DEFB131B: variants seen among roughly 807,000 people sequenced by gnomAD.
The protein encoded by DEFB131B is beta-defensin 131B.
In DEFB131B, 2 loss-of-function variants were observed where a neutral mutation model predicts 2.1. That is an observed-to-expected ratio of 0.94 (90% CI 0.38 to 2.95). The LOEUF is 2.95. Ranked by LOEUF, DEFB131B falls within the 30% of genes most tolerant of loss-of-function variation. The pLI is 0.09. For synonymous variants in DEFB131B, 26 were observed against 25.8 expected (o/e 1.01, Z -0.03); for missense variants, 77 against 78.5 (o/e 0.98, Z 0.07).
At chr11:71,883,183 G>A (rs1249193838) in intron 1 of DEFB131B, among the ~76,000 whole-genome samples, 1 of 152,058 alleles carries the variant, frequency 6.6e-6, no homozygotes. Context: ...GCAATTTATA[G>A]ATTATATACA....
At chr11:71,879,983 A>G (rs1228936443) in intron 1 of DEFB131B, among the ~76,000 whole-genome samples, 5 of 152,182 alleles carry the variant, frequency 3.3e-5, no homozygotes, top group Non-Finnish European at 7.4e-5. Context: ...TACTCACTAA[A>G]TGGAACACTC....
At position 71,884,438 on chromosome 11, in the gene DEFB131B, T is replaced by C; in HGVS notation, c.90T>C (p.Pro30=). ...TRSFTSNDEC[P]SEYYHCRLKC... The stretch of plus-strand genomic sequence containing the variant: ...GCTTCACTTCTAATGATGAATGTCC[T>C]TCAGAATATTATCATTGCAGACTGA... The change falls in exon 2 of 2, where the codon CCT becomes CCC. Residue 30 remains proline, a synonymous_variant. Transcript: ENST00000530210. 1 of 1,603,746 alleles carries C rather than the reference T, an allele frequency of 6.2e-7. No individual in the cohort carries two copies. Among genetic ancestry groups the C allele is most frequent in the Non-Finnish European group, 8.5e-7 (1 of 1,174,520 alleles).
intron 1 of DEFB131B, among the ~76,000 whole-genome samples, chr11:71,881,661 A>G (rs932752188): frequency 6.6e-6 from 1 of 152,112 alleles, no homozygotes; most frequent in African/African-American, 2.4e-5. Flanking sequence ...TTCAAATATG[A>G]TTACATTCTG....
intron 1 of DEFB131B, among the ~76,000 whole-genome samples, chr11:71,882,839 T>G (rs1952580745): frequency 6.6e-6 from 1 of 152,128 alleles, no homozygotes. Flanking sequence ...ATAATTTTTT[T>G]GTAAAAAACC....
At chr11:71,881,711 G>A (rs1952563810) in intron 1 of DEFB131B, among the ~76,000 whole-genome samples, 1 of 151,982 alleles carries the variant, frequency 6.6e-6, no homozygotes, top group African/African-American at 2.4e-5. Context: ...AAATTTTGGA[G>A]GAAAACTGGT....
chr11:71,884,025 C>T (rs535719658), intron 1 of DEFB131B, among the ~76,000 whole-genome samples: 2 of 152,212 alleles, frequency 1.3e-5, no homozygotes, highest in Admixed American at 1.3e-4. Context: ...TCAAGGCCAA[C>T]CCCTCCACTT....
chr11:71,883,374 T>C (rs531634754), intron 1 of DEFB131B, among the ~76,000 whole-genome samples: 1 of 152,320 alleles, frequency 6.6e-6, no homozygotes, highest in South Asian at 2.1e-4. Flanking sequence ...AACTGTGTGC[T>C]ACTGGGATAA....
In DEFB131B at chr11:71,883,695, C is replaced by A. The variant is rs561998824; in HGVS notation, c.59-712C>A. The stretch of plus-strand genomic sequence containing the variant: ...ATGTTGGTCATGGCAAATATTTTAA[C>A]TTATAAATTGTAACAAAAGGATTTG... On this transcript the variant is annotated intron_variant, in intron 1 of 1. Coordinates refer to ENST00000530210, the MANE Select transcript of DEFB131B (RefSeq NM_001242853.1). Among the ~76,000 whole-genome samples, 48 of 152,158 alleles carry A rather than the reference C, an allele frequency of 3.2e-4. No homozygotes were observed. The South Asian group carries it at 4.4e-3, about 14-fold the overall frequency.
At chr11:71,881,258 A>G (rs1952559921) in intron 1 of DEFB131B, among the ~76,000 whole-genome samples, 1 of 152,204 alleles carries the variant, frequency 6.6e-6, no homozygotes, top group African/African-American at 2.4e-5. Context: ...TTTTATCATT[A>G]TATGATGGCC....
At chr11:71,880,586 G>A (rs1344712513) in intron 1 of DEFB131B, among the ~76,000 whole-genome samples, 1 of 151,582 alleles carries the variant, frequency 6.6e-6, no homozygotes, top group African/African-American at 2.4e-5. Flanking sequence ...TGTTTTTCTT[G>A]TTCCTTGAGG....
chr11:71,883,809 G>A (rs1952594151), intron 1 of DEFB131B, among the ~76,000 whole-genome samples: 1 of 152,146 alleles, frequency 6.6e-6, no homozygotes, highest in Non-Finnish European at 1.5e-5. Flanking sequence ...CTCAGTAAAG[G>A]AGACATGGCC....
chr11:71,882,589 G>C (rs1240135958), intron 1 of DEFB131B, among the ~76,000 whole-genome samples: 3 of 152,178 alleles, frequency 2.0e-5, no homozygotes, highest in Non-Finnish European at 4.4e-5. Flanking sequence ...AATAGAGTTT[G>C]TCACCAGTAG....
intron 1 of DEFB131B, among the ~76,000 whole-genome samples, chr11:71,882,659 A>G (rs534750498): frequency 1.2e-4 from 18 of 152,372 alleles, no homozygotes; most frequent in Non-Finnish European, 2.4e-4. Flanking sequence ...GTGAAAAACT[A>G]AAAGCTTTTC....
chr11:71,878,858 G>T (rs960017026), intron 1 of DEFB131B, among the ~76,000 whole-genome samples: 44 of 149,146 alleles, frequency 3.0e-4, no homozygotes, highest in Non-Finnish European at 6.2e-4. Context: ...AAATTAGTCA[G>T]GTATAGTGGC....
At chr11:71,879,080 C>G (rs1405893218) in intron 1 of DEFB131B, among the ~76,000 whole-genome samples, 1 of 151,918 alleles carries the variant, frequency 6.6e-6, no homozygotes, top group African/African-American at 2.4e-5. Flanking sequence ...ACACAGAACA[C>G]AGGAAATTTA....
chr11:71,880,598 G>T (rs1002072849), intron 1 of DEFB131B, among the ~76,000 whole-genome samples: 1 of 152,056 alleles, frequency 6.6e-6, no homozygotes, highest in East Asian at 1.9e-4. Context: ...TCCTTGAGGT[G>T]CATAGTAGCT....
chr11:71,883,005 A>G (rs1432771454), intron 1 of DEFB131B, among the ~76,000 whole-genome samples: 2 of 152,218 alleles, frequency 1.3e-5, no homozygotes, highest in African/African-American at 4.8e-5. Flanking sequence ...AATAGCAAGA[A>G]AAAGATAAGA....
chr11:71,884,554 AGTG>A lies in DEFB131B; in HGVS notation c.210_212del (p.Trp70del). ...ATCATTCAAATTGATGGACAAAAGAAGTGGTGAAAATTCTAACTCCATCTTCTT... is the reference window on the plus strand; with the variant it reads ...ATCATTCAAATTGATGGACAAAAGAAGTGAAAATTCTAACTCCATCTTCTT... On this transcript the variant is annotated inframe_deletion, in exon 2 of 2. Transcript: ENST00000530210. 6.2e-7 allele frequency: 1 copy of A among 1,602,620 alleles called. No individual in the cohort carries two copies. Among genetic ancestry groups the A allele is most frequent in the Non-Finnish European group, 8.5e-7 (1 of 1,174,300 alleles).
At chr11:71,880,870 G>C (rs1952556852) in intron 1 of DEFB131B, among the ~76,000 whole-genome samples, 1 of 151,960 alleles carries the variant, frequency 6.6e-6, no homozygotes, top group Non-Finnish European at 1.5e-5. Context: ...TTTTTGTCTA[G>C]AATATACTTG....
Sources: allele counts gnomAD v4.1 joint callset (sites outside exome capture counted in the v4.1 genomes callset), GRCh38; gene constraint gnomAD v4.1.1; transcripts MANE v1.5; gene names NCBI Gene and HGNC (gene_info 2026-07-23, HGNC 2026-07-21).